SYNPO: variants seen among roughly 807,000 people sequenced by gnomAD.
SYNPO encodes the protein synaptopodin.
Under a neutral mutation model 49.5 loss-of-function variants are expected in SYNPO, and 19 were observed. That is an observed-to-expected ratio of 0.38 (90% CI 0.27 to 0.56). The LOEUF (loss-of-function observed/expected upper bound fraction) is 0.56, where lower values mean the gene tolerates loss of function less well. Among genes scored for constraint, SYNPO ranks in the 20% least tolerant of loss-of-function variants. The pLI is 0.68. For missense variants in SYNPO, 1,131 were observed against 1,248.3 expected (o/e 0.91, Z 1.42); for synonymous variants, 536 against 548.0 (o/e 0.98, Z 0.31).
chr5:150,624,993 A>T, intron 2 of SYNPO: 1 of 984,038 alleles, frequency 1.0e-6, no homozygotes, highest in Non-Finnish European at 1.2e-6. Context: ...GGCGCCGCCC[A>T]GGAGGAGGTG....
At chr5:150,587,187 A>AATGGATGG in the SYNPO span, among the ~76,000 whole-genome samples, 2 of 149,850 alleles carry the variant, frequency 1.3e-5, no homozygotes, top group East Asian at 4.0e-4. Context: ...TGGATATGTT[A>AATGGATGG]ATGGATGGAT....
intron 2 of SYNPO, among the ~76,000 whole-genome samples, chr5:150,619,223 A>T (rs1326829684): frequency 6.6e-6 from 1 of 152,038 alleles, no homozygotes; most frequent in East Asian, 1.9e-4. Context: ...GACCTCATGG[A>T]GCTTGGGAGG....
chr5:150,610,037 T>C lies in SYNPO; in HGVS notation c.-265-8066T>C, dbSNP rs184623015. Among the ~76,000 whole-genome samples, 526 of 152,368 alleles carry C rather than the reference T, an allele frequency of 3.5e-3. 3 individuals carry two copies. Among genetic ancestry groups the C allele is most frequent in the African/African-American group, 0.012 (493 of 41,598 alleles). ...CCCAGTTCCTCTGAAGCTGGTTCCCTGGCCCATGTATTTATAAACCCAGCA... is the reference window on the plus strand; with the variant it reads ...CCCAGTTCCTCTGAAGCTGGTTCCCCGGCCCATGTATTTATAAACCCAGCA... On this transcript the variant is annotated intron_variant, in intron 1 of 2. Coordinates refer to the SYNPO transcript ENST00000394243.
intron 2 of SYNPO, chr5:150,650,623 C>G (rs1036031824): frequency 6.7e-5 from 97 of 1,446,102 alleles, no homozygotes; most frequent in Non-Finnish European, 8.7e-5. Flanking sequence ...GAGGGGCATC[C>G]TCTGGCCTTT....
intron 1 of SYNPO, among the ~76,000 whole-genome samples, chr5:150,611,901 G>C (rs1219945612): frequency 6.6e-6 from 1 of 152,216 alleles, no homozygotes; most frequent in Non-Finnish European, 1.5e-5. Flanking sequence ...GCCTTTCTCA[G>C]CTGGAGAAAC....
chr5:150,652,126 G>A (rs1179322523), intron 2 of SYNPO: 1 of 1,002,008 alleles, frequency 1.0e-6, no homozygotes, highest in Non-Finnish European at 1.2e-6. Context: ...GATCGAGGGG[G>A]TATGCGTGGG....
At chr5:150,618,666 A>T (rs975445002) in exon 2 of SYNPO, 1 of 1,551,224 alleles carries the variant, frequency 6.4e-7, no homozygotes, top group Admixed American at 2.0e-5. Context: ...GCGTCCCAGC[A>T]CGACGACAGG....
chr5:150,602,055 G>A (rs1756558097), intron 1 of SYNPO, among the ~76,000 whole-genome samples: 1 of 152,200 alleles, frequency 6.6e-6, no homozygotes, highest in South Asian at 2.1e-4. Flanking sequence ...AGACAGTGGT[G>A]GGCCATCCAG....
In SYNPO at chr5:150,640,707, A is replaced by G; in HGVS notation, c.-480A>G. On this transcript the variant is annotated 5_prime_UTR_variant, in exon 1 of 3. Coordinates refer to ENST00000307662, the MANE Select transcript of SYNPO (RefSeq NM_007286.6). ...TCTGTGGAGGAGAAAAGTCACATCCAGCTCCTTCATGTTGCTGCCGATGTG... is the reference window on the plus strand; with the variant it reads ...TCTGTGGAGGAGAAAAGTCACATCCGGCTCCTTCATGTTGCTGCCGATGTG... The G allele has an allele frequency of 1.0e-6, 1 of 985,620 alleles. No homozygotes were observed. Among genetic ancestry groups the G allele is most frequent in the Non-Finnish European group, 1.2e-6 (1 of 829,938 alleles). 61.1% of individuals were successfully genotyped at this position (985,620 alleles called of 1,614,324 possible).
Position 150,649,192 on chromosome 5 carries a change from C to A in SYNPO, c.917C>A (p.Ala306Asp). 1 of 1,614,166 alleles carries A rather than the reference C, an allele frequency of 6.2e-7. No individual in the cohort carries two copies. The highest frequency in any genetic ancestry group is 1.1e-5 in the South Asian group (1 of 91,072). The part of the protein sequence containing the change: ...ERRMMGQRSP[A>D]SERRPLGNFT... Reference sequence around the variant, plus strand: ...AGGATGATGGGGCAGCGAAGCCCGGCCTCAGAGAGACGCCCCTTGGGGAAC... The same window carrying A: ...AGGATGATGGGGCAGCGAAGCCCGGACTCAGAGAGACGCCCCTTGGGGAAC... Residue 306 changes from alanine to aspartate, a missense_variant, in exon 2 of 3, where the codon GCC becomes GAC. Physicochemically the swap from Ala to Asp is moderately radical, Grantham distance 126 (BLOSUM62 -2). Transcript: ENST00000307662.
chr5:150,618,426 C>T (rs541450332), exon 2 of SYNPO: 11 of 1,551,546 alleles, frequency 7.1e-6, no homozygotes, highest in African/African-American at 1.4e-5. Context: ...AGGCCTACCC[C>T]CTGCGCCTTC....
Position 150,657,312 on chromosome 5 carries a change from C to T in SYNPO, c.*225C>T. 1.7e-6 allele frequency: 1 copy of T among 577,594 alleles called. No individual in the cohort carries two copies. The highest frequency in any genetic ancestry group is 2.4e-5 in the South Asian group (1 of 42,438). 35.8% of individuals were successfully genotyped at this position (577,594 alleles called of 1,614,324 possible). A position where few individuals can be genotyped will look rare whatever the true frequency, so the allele number is the denominator to read the frequency against. On this transcript the variant is annotated 3_prime_UTR_variant, in exon 3 of 3. Coordinates refer to ENST00000307662, the MANE Select transcript of SYNPO (RefSeq NM_007286.6). ...GTAAGACCCTTCCTTGTTTGACCCT[C>T]AGCTTTCCCATCTGTTTAATGGTGG...
rs868448610 is a variant in SYNPO at position 150,649,028 on chromosome 5, C to T, written c.753C>T (p.Thr251=). ...TTGGGATCCAGGCGCCAGGGGGCAC[C>T]AGCCAGATGGAGAGGAGCCCCATGC... ...RPFGIQAPGG[T]SQMERSPMLE... Residue 251 remains threonine, a synonymous_variant, in exon 2 of 3, where the codon ACC becomes ACT. Coordinates refer to ENST00000307662, the MANE Select transcript of SYNPO (RefSeq NM_007286.6). 6.2e-7 allele frequency: 1 copy of T among 1,614,236 alleles called. No individual in the cohort carries two copies.
intron 1 of SYNPO, among the ~76,000 whole-genome samples, chr5:150,646,905 A>G (rs903077135): frequency 3.3e-5 from 5 of 152,214 alleles, no homozygotes; most frequent in Non-Finnish European, 7.3e-5. Context: ...ACCGAGTGCC[A>G]CTGTATGACA....
intron 2 of SYNPO, among the ~76,000 whole-genome samples, chr5:150,623,391 T>C (rs537834507): frequency 3.3e-5 from 5 of 152,194 alleles, no homozygotes; most frequent in Admixed American, 3.3e-4. Flanking sequence ...CTCTCTCTCT[T>C]TTCCTCTCAC....
At chr5:150,620,899 CTCTTTCTT>C (rs60102848) in intron 2 of SYNPO, among the ~76,000 whole-genome samples, 2,742 of 108,772 alleles carry the variant, frequency 0.025, 38 homozygotes, top group Middle Eastern at 0.04. Flanking sequence ...TTCTTTTTTT[CTCTTTCTT>C]TCTTTCTTTC....
chr5:150,651,148 G>T, intron 2 of SYNPO: 2 of 1,044,282 alleles, frequency 1.9e-6, no homozygotes, highest in Non-Finnish European at 2.3e-6. Flanking sequence ...GGGCTGTGCA[G>T]ATGTGGGTGT....
At position 150,649,685 on chromosome 5, in the gene SYNPO, C is replaced by T. The variant is rs1758278933; in HGVS notation, c.1410C>T (p.Asn470=). 1 of 1,611,694 alleles carries T rather than the reference C, an allele frequency of 6.2e-7. No individual in the cohort carries two copies. The highest frequency in any genetic ancestry group is 8.5e-7 in the Non-Finnish European group (1 of 1,180,008). The change falls in exon 2 of 3, where the codon AAC becomes AAT. Residue 470 remains asparagine, a synonymous_variant. Coordinates refer to ENST00000307662, the MANE Select transcript of SYNPO (RefSeq NM_007286.6). ...AGGCCAAGCCGAAGCCCAAACCCAA[C>T]CAGAACCTCTCCGAGGCCTCTGGGA... The part of the protein sequence containing the change: ...RIQAKPKPKP[N]QNLSEASGKG...
the SYNPO span, among the ~76,000 whole-genome samples, chr5:150,591,149 A>G: frequency 6.6e-6 from 1 of 151,314 alleles, no homozygotes; most frequent in Non-Finnish European, 1.5e-5. Flanking sequence ...CGCAGCCCTG[A>G]CTCCCGGAGG....
Sources: allele counts gnomAD v4.1 joint callset (sites outside exome capture counted in the v4.1 genomes callset), GRCh38; gene constraint gnomAD v4.1.1; transcripts MANE v1.5; gene names NCBI Gene and HGNC (gene_info 2026-07-23, HGNC 2026-07-21).